The following TMEM233 variants were observed in gnomAD, a reference collection of about 807,000 sequenced individuals.
TMEM233 encodes transmembrane protein 233, also known as dispanin subfamily B member 2.
Under a neutral mutation model 11.2 loss-of-function variants are expected in TMEM233, and 6 were observed. The ratio of observed to expected loss-of-function variants is 0.54; its 90% CI spans 0.29 to 1.06. TMEM233 has a LOEUF of 1.06. Among genes scored for constraint, TMEM233 ranks in the 50% least tolerant of loss-of-function variants. The probability of loss-of-function intolerance (pLI) is 0.08; values close to 1 mark genes in which losing one functional copy is unlikely to be tolerated. For missense variants in TMEM233, 127 were observed against 144.7 expected, an observed-to-expected ratio of 0.88 and a Z score of 0.63; for synonymous variants, 59 against 55.8, an observed-to-expected ratio of 1.06 and a Z score of -0.26.
chr12:119,630,474 G>A (rs1352494258), intron 2 of TMEM233, among the ~76,000 whole-genome samples: 1 of 152,222 alleles, frequency 6.6e-6, no homozygotes, highest in African/African-American at 2.4e-5. Flanking sequence ...TCCCGATCAT[G>A]GTCTCTGGCA....
At chr12:119,629,652 C>T in intron 1 of TMEM233, 84 bp from the exon 2 acceptor site, 1 of 1,400,848 alleles carries the variant, frequency 7.1e-7, no homozygotes, top group Non-Finnish European at 9.5e-7. Flanking sequence ...CTCTTGGAAC[C>T]TTTTCATCAG....
rs146564650 is a variant in TMEM233, at chr12:119,596,978, G to A, written c.186+2944G>A. On this transcript the variant is annotated intron_variant, in intron 1 of 2. Coordinates refer to ENST00000426426, the MANE Select transcript of TMEM233 (RefSeq NM_001136534.3). ...TAGATTTGGAACCTGGAGATATCAT[G>A]TTACATATAAAAACAAACAGAAATT... Among the ~76,000 whole-genome samples the A allele has an allele frequency of 3.5e-3, 540 of 152,318 alleles. 1 individual carries two copies. Among genetic ancestry groups the A allele is most frequent in the Middle Eastern group, 0.017 (5 of 294 alleles).
chr12:119,632,445 A>T (rs1380951426), intron 2 of TMEM233, among the ~76,000 whole-genome samples: 1 of 152,194 alleles, frequency 6.6e-6, no homozygotes, highest in African/African-American at 2.4e-5. Flanking sequence ...AGTAAGTGGT[A>T]CTTGCTTTGT....
chr12:119,603,706 CTGATTTGTGTATG>C (rs1954212132), intron 1 of TMEM233, among the ~76,000 whole-genome samples: 2 of 152,186 alleles, frequency 1.3e-5, no homozygotes, highest in East Asian at 3.9e-4. Flanking sequence ...CTTCCTTGCA[CTGATTTGTGTATG>C]TGAGGCCCTT....
chr12:119,651,302 C>T, the TMEM233 span, among the ~76,000 whole-genome samples: 2 of 152,230 alleles, frequency 1.3e-5, no homozygotes, highest in Admixed American at 1.3e-4. Context: ...TGGTTTCTCT[C>T]ATGGGAGTAG....
chr12:119,596,074 G>A (rs1352709887), intron 1 of TMEM233, among the ~76,000 whole-genome samples: 1 of 152,132 alleles, frequency 6.6e-6, no homozygotes, highest in Non-Finnish European at 1.5e-5. Flanking sequence ...CGTCGCATCC[G>A]GTTCCTTCCG....
intron 1 of TMEM233, among the ~76,000 whole-genome samples, chr12:119,599,539 A>T (rs886351465): frequency 6.6e-6 from 1 of 152,230 alleles, no homozygotes; most frequent in African/African-American, 2.4e-5. Flanking sequence ...GACGATGGAA[A>T]ATAGCTGGCT....
intron 1 of TMEM233, among the ~76,000 whole-genome samples, chr12:119,598,006 C>G (rs1419326511): frequency 6.6e-6 from 1 of 152,202 alleles, no homozygotes; most frequent in Non-Finnish European, 1.5e-5. Context: ...CCTCATTCAA[C>G]ATGATCTCAC....
chr12:119,612,885 A>C (rs1954432565), intron 1 of TMEM233, among the ~76,000 whole-genome samples: 3 of 152,160 alleles, frequency 2.0e-5, no homozygotes, highest in Admixed American at 2.0e-4. Flanking sequence ...TCACCACTGC[A>C]TTCCAGGTGA....
At chr12:119,601,253 A>G (rs1225883961) in intron 1 of TMEM233, among the ~76,000 whole-genome samples, 5 of 152,190 alleles carry the variant, frequency 3.3e-5, no homozygotes, top group Admixed American at 3.3e-4. Context: ...CAGAGGTTCA[A>G]GGGTAAAATT....
At chr12:119,627,689 C>T (rs142651612) in intron 1 of TMEM233, among the ~76,000 whole-genome samples, 23 of 152,332 alleles carry the variant, frequency 1.5e-4, no homozygotes, top group Non-Finnish European at 2.4e-4. Flanking sequence ...CCACCTCCAA[C>T]ATTGGGGATC....
At chr12:119,653,391 C>CAA in the TMEM233 span, among the ~76,000 whole-genome samples, 30,789 of 81,418 alleles carry the variant, frequency 0.38, 6,794 homozygotes, top group East Asian at 0.55. Flanking sequence ...GACGCCACCT[C>CAA]AAAAAAAAAA....
chr12:119,644,583 T>G (rs572181322), downstream of TMEM233, among the ~76,000 whole-genome samples: 7 of 152,030 alleles, frequency 4.6e-5, no homozygotes, highest in Middle Eastern at 3.4e-3. Flanking sequence ...GTTCAAGCGA[T>G]TCTCCTGCTT....
downstream of TMEM233, among the ~76,000 whole-genome samples, chr12:119,645,718 G>A (rs1211664777): frequency 6.6e-6 from 1 of 152,202 alleles, no homozygotes; most frequent in Non-Finnish European, 1.5e-5. Flanking sequence ...AGTCAGACCT[G>A]CAATGACCCG....
intron 1 of TMEM233, among the ~76,000 whole-genome samples, chr12:119,605,574 A>G (rs186761883): frequency 0.015 from 2,213 of 151,762 alleles, 64 homozygotes; most frequent in African/African-American, 0.051. Context: ...AACTATAGGC[A>G]CGCACCACCA....
chr12:119,636,466 T>C (rs1164977587), intron 2 of TMEM233, among the ~76,000 whole-genome samples: 3 of 152,052 alleles, frequency 2.0e-5, no homozygotes, highest in Non-Finnish European at 4.4e-5. Flanking sequence ...CCTCCCAAAT[T>C]TTCTCTTCCT....
intron 1 of TMEM233, among the ~76,000 whole-genome samples, chr12:119,599,715 GA>G (rs1954120229): frequency 6.6e-6 from 1 of 152,138 alleles, no homozygotes; most frequent in African/African-American, 2.4e-5. Flanking sequence ...AAAGGGTAGG[GA>G]AAATCTTTGA....
intron 1 of TMEM233, among the ~76,000 whole-genome samples, chr12:119,619,655 A>C (rs1290106663): frequency 6.6e-6 from 1 of 152,204 alleles, no homozygotes; most frequent in East Asian, 1.9e-4. Flanking sequence ...AAAAAAAAAA[A>C]ACACACTGAC....
At chr12:119,638,916 C>T (rs1955024646) in intron 2 of TMEM233, among the ~76,000 whole-genome samples, 1 of 151,968 alleles carries the variant, frequency 6.6e-6, no homozygotes, top group African/African-American at 2.4e-5. Flanking sequence ...CTTACTATGA[C>T]TTTACAAGCC....
Sources: gnomAD v4.1 joint callset for allele counts (sites outside exome capture counted in the v4.1 genomes callset) on GRCh38, gnomAD v4.1.1 for gene constraint, MANE v1.5 for transcripts, NCBI Gene and HGNC (gene_info 2026-07-23, HGNC 2026-07-21) for gene names.